CFAP77: variants seen among roughly 807,000 people sequenced by gnomAD.
The protein encoded by CFAP77 is cilia and flagella associated protein 77.
Under a neutral mutation model 31.1 loss-of-function variants are expected in CFAP77, and 25 were observed. That is an observed-to-expected ratio of 0.80 (90% CI 0.59 to 1.12). The LOEUF (loss-of-function observed/expected upper bound fraction) is 1.12, where lower values mean the gene tolerates loss of function less well. CFAP77 is among the 50% of genes most tolerant of loss of function. CFAP77 has a pLI of 0.00. For synonymous variants in CFAP77, 151 were observed against 159.9 expected, an observed-to-expected ratio of 0.94 and a Z score of 0.42; for missense variants, 377 against 397.3, an observed-to-expected ratio of 0.95 and a Z score of 0.44.
intron 3 of CFAP77, among the ~76,000 whole-genome samples, chr9:132,531,366 C>A (rs1408510727): frequency 1.3e-5 from 2 of 152,202 alleles, no homozygotes; most frequent in Non-Finnish European, 2.9e-5. Flanking sequence ...AATGAATGAG[C>A]GCCCCCCGCG....
rs539276141 is a variant in CFAP77 at position 132,459,293 on chromosome 9, G to C, written c.196-39402G>C. 1.4e-4 allele frequency among the ~76,000 whole-genome samples: 21 copies of C among 152,124 alleles called. No homozygotes were observed. The South Asian group carries it at 4.4e-3, about 32-fold the overall frequency. ...TCACCGTGTTAGCCAGGATGGTCTC[G>C]ATCTCCTGACCTCGTGATCTGCCCG... On this transcript the variant is annotated intron_variant, in intron 1 of 5. Coordinates refer to ENST00000393216, the MANE Select transcript of CFAP77 (RefSeq NM_001282957.2).
intron 1 of CFAP77, among the ~76,000 whole-genome samples, chr9:132,418,591 G>A (rs749340536): frequency 3.3e-5 from 5 of 152,190 alleles, no homozygotes; most frequent in South Asian, 2.1e-4. Flanking sequence ...AATCCGTTTC[G>A]TTTCCCGAGC....
chr9:132,452,567 G>A (rs1052474358), intron 1 of CFAP77, among the ~76,000 whole-genome samples: 1 of 152,168 alleles, frequency 6.6e-6, no homozygotes, highest in African/African-American at 2.4e-5. Flanking sequence ...GAAGAAGGTG[G>A]CTTTTCTGTT....
chr9:132,450,115 A>G (rs1417589381), intron 1 of CFAP77, among the ~76,000 whole-genome samples: 1 of 151,982 alleles, frequency 6.6e-6, no homozygotes, highest in African/African-American at 2.4e-5. Flanking sequence ...TATTTTTAGT[A>G]GAGACGGGGT....
At chr9:132,487,605 G>A (rs549544045) in intron 1 of CFAP77, among the ~76,000 whole-genome samples, 36 of 147,208 alleles carry the variant, frequency 2.4e-4, no homozygotes, top group African/African-American at 8.8e-4. Context: ...TAACGTGGTT[G>A]TAACAGTAGT....
At position 132,573,055 on chromosome 9, in the gene CFAP77, G is replaced by C. The variant is rs1395676651; in HGVS notation, c.*545G>C. 1 of 152,580 alleles carries C rather than the reference G, an allele frequency of 6.6e-6. No individual in the cohort carries two copies. Among genetic ancestry groups the C allele is most frequent in the Non-Finnish European group, 1.5e-5 (1 of 68,518 alleles). The allele number at this position is 152,580 out of a possible 1,614,324, so 9.5% of individuals were successfully genotyped here. A position where few individuals can be genotyped will look rare whatever the true frequency, so the allele number is the denominator to read the frequency against. Reference sequence around the variant, plus strand: ...AGGAAGAGCCAATGGTTCATTACTCGAGCCTGCCCCCGCCTCCTCAGTGCT... The same window carrying C: ...AGGAAGAGCCAATGGTTCATTACTCCAGCCTGCCCCCGCCTCCTCAGTGCT... On this transcript the variant is annotated 3_prime_UTR_variant, in exon 6 of 6. Transcript: ENST00000393216.
intron 3 of CFAP77, among the ~76,000 whole-genome samples, chr9:132,519,380 ATAGG>A (rs1852208403): frequency 1.6e-3 from 1 of 624 alleles, no homozygotes; most frequent in Non-Finnish European, 4.0e-3. Flanking sequence ...GGATGGATGG[ATAGG>A]TGGATGGATG....
At chr9:132,411,749 G>GTTCAA (rs999120820) in intron 1 of CFAP77, among the ~76,000 whole-genome samples, 3 of 152,116 alleles carry the variant, frequency 2.0e-5, no homozygotes, top group African/African-American at 7.2e-5. Flanking sequence ...CGTTGCTTTT[G>GTTCAA]TTCAAGTAGT....
At chr9:132,540,856 A>G (rs1012184183) in intron 4 of CFAP77, among the ~76,000 whole-genome samples, 4 of 152,152 alleles carry the variant, frequency 2.6e-5, no homozygotes, top group Non-Finnish European at 5.9e-5. Context: ...TGTGAGCGAG[A>G]CGTCCTACTT....
intron 3 of CFAP77, among the ~76,000 whole-genome samples, chr9:132,521,778 T>TTTTTTGTTTTTTG (rs1554747343): frequency 1.9e-5 from 2 of 106,118 alleles, no homozygotes; most frequent in Admixed American, 1.1e-4. Context: ...TTTTTTTTTT[T>TTTTTTGTTTTTTG]TTTTTTGAGA....
In CFAP77 at chr9:132,444,427, CGA is replaced by C. The variant is rs200470589; in HGVS notation, c.195+33965_195+33966del. ...CTGGATCCATGCCAGGAAAGAGGAA[CGA>C]GAGGGGAATGAAGCAGGAGCACATA... On this transcript the variant is annotated intron_variant, in intron 1 of 5. Coordinates refer to ENST00000393216, the MANE Select transcript of CFAP77 (RefSeq NM_001282957.2). 1.0e-3 allele frequency among the ~76,000 whole-genome samples: 152 copies of C among 152,236 alleles called. 2 individuals are homozygous for C. In the East Asian group the frequency reaches 0.027, roughly 27 times the overall value.
intron 3 of CFAP77, among the ~76,000 whole-genome samples, chr9:132,520,287 A>G (rs1852245147): frequency 6.6e-6 from 1 of 152,108 alleles, no homozygotes; most frequent in Non-Finnish European, 1.5e-5. Flanking sequence ...CAGACAATAC[A>G]ATGATCCATG....
At chr9:132,546,299 T>C (rs868041938) in intron 5 of CFAP77, among the ~76,000 whole-genome samples, 55 of 152,282 alleles carry the variant, frequency 3.6e-4, no homozygotes, top group African/African-American at 1.2e-3. Context: ...TAGGCGGAGC[T>C]GCTGTCTGTG....
chr9:132,530,464 G>A (rs1011456822), intron 3 of CFAP77, among the ~76,000 whole-genome samples: 5 of 151,950 alleles, frequency 3.3e-5, no homozygotes, highest in Admixed American at 1.3e-4. Flanking sequence ...TAGTAGAGAC[G>A]AGGTTTCACC....
At position 132,455,536 on chromosome 9, in the gene CFAP77, C is replaced by A. The variant is rs1455172731; in HGVS notation, c.196-43159C>A. Reference sequence around the variant, plus strand: ...AAAAACAAAAAAACTTCGAGACCAGCCTGGGCAACATGGCGAGACCCTATC... The same window carrying A: ...AAAAACAAAAAAACTTCGAGACCAGACTGGGCAACATGGCGAGACCCTATC... On this transcript the variant is annotated intron_variant, in intron 1 of 5. Transcript: ENST00000393216. The surrounding 1 kb of genome is among the most constrained non-coding windows in gnomAD (Gnocchi z 4.1). Among the ~76,000 whole-genome samples, 1 of 150,980 alleles carries A rather than the reference C, an allele frequency of 6.6e-6. No individual in the cohort carries two copies. Among genetic ancestry groups the A allele is most frequent in the Non-Finnish European group, 1.5e-5 (1 of 67,816 alleles).
intron 5 of CFAP77, among the ~76,000 whole-genome samples, chr9:132,557,828 C>T (rs1348688630): frequency 2.0e-5 from 3 of 152,156 alleles, no homozygotes; most frequent in East Asian, 1.9e-4. Flanking sequence ...ACCCCAGGAA[C>T]GGGTGACCTG....
At chr9:132,477,690 G>C (rs1851373646) in intron 1 of CFAP77, among the ~76,000 whole-genome samples, 1 of 152,282 alleles carries the variant, frequency 6.6e-6, no homozygotes, top group East Asian at 1.9e-4. Flanking sequence ...CCCTGCATTG[G>C]GTTCCAGTGC....
intron 4 of CFAP77, among the ~76,000 whole-genome samples, chr9:132,540,469 T>C (rs959051570): frequency 6.6e-6 from 1 of 152,210 alleles, no homozygotes; most frequent in African/African-American, 2.4e-5. Context: ...CCCACCATAC[T>C]GTGCCTGTTG....
intron 3 of CFAP77, among the ~76,000 whole-genome samples, chr9:132,515,973 G>A (rs1039161719): frequency 3.9e-5 from 6 of 152,186 alleles, no homozygotes; most frequent in Non-Finnish European, 8.8e-5. Flanking sequence ...TAGAACCAGG[G>A]TTACAAATTC....
Sources: gnomAD v4.1 joint callset for allele counts (sites outside exome capture counted in the v4.1 genomes callset) on GRCh38, gnomAD v4.1.1 for gene constraint, Gnocchi (gnomAD v3.1) non-coding constraint, MANE v1.5 for transcripts, NCBI Gene and HGNC (gene_info 2026-07-23, HGNC 2026-07-21) for gene names.